ZSWIM5: variants seen among roughly 807,000 people sequenced by gnomAD.
The protein encoded by ZSWIM5 is zinc finger SWIM-type containing 5, also known as zinc finger SWIM domain-containing protein 5.
Under a neutral mutation model 119.6 loss-of-function variants are expected in ZSWIM5, and 55 were observed. The observed-to-expected ratio is 0.46, with a 90% confidence interval of 0.37 to 0.58. The LOEUF is 0.58. Among genes scored for constraint, ZSWIM5 ranks in the 20% least tolerant of loss-of-function variants. ZSWIM5 has a pLI of 0.00. For missense variants in ZSWIM5, 1,193 were observed against 1,512.8 expected (o/e 0.79, Z 3.51); for synonymous variants, 537 against 606.9 (o/e 0.88, Z 1.69).
At chr1:45,175,608 G>A (rs530183523) in intron 1 of ZSWIM5, among the ~76,000 whole-genome samples, 2 of 151,918 alleles carry the variant, frequency 1.3e-5, no homozygotes, top group South Asian at 2.1e-4. Flanking sequence ...GCACCACCAT[G>A]CCCGGCTAAT....
intron 12 of ZSWIM5, 144 bp from the exon 13 acceptor site, chr1:45,020,291 C>A (rs1644880497): frequency 2.8e-6 from 2 of 713,538 alleles, no homozygotes; most frequent in South Asian, 1.8e-5. Flanking sequence ...CAGTTAATTT[C>A]TTTCCCAGCC....
At chr1:45,139,199 G>C (rs1645709423) in intron 1 of ZSWIM5, among the ~76,000 whole-genome samples, 2 of 151,564 alleles carry the variant, frequency 1.3e-5, no homozygotes, top group Admixed American at 6.6e-5. Context: ...CGTTTTTTAA[G>C]AGACAACAGT....
Position 45,035,789 on chromosome 1 carries a change from G to A in ZSWIM5, c.2190C>T (p.His730=), listed in dbSNP as rs772347523. The A allele has an allele frequency of 6.2e-7, 1 of 1,613,782 alleles. No individual in the cohort carries two copies. Among genetic ancestry groups the A allele is most frequent in the East Asian group, 2.2e-5 (1 of 44,876 alleles). The change falls in exon 10 of 14, where the codon CAC becomes CAT. Residue 730 remains histidine, a synonymous_variant. Coordinates refer to ENST00000359600, the MANE Select transcript of ZSWIM5 (RefSeq NM_020883.2). ...GPFSGLGEVI[H]RESVPMHTFA... ...AGGTATGCATGGGAACACTCTCTCG[G>A]TGGATGACTTCTCCCAGACCGCTGA...
chr1:45,111,191 T>C (rs1188787640), intron 1 of ZSWIM5, among the ~76,000 whole-genome samples: 2 of 152,108 alleles, frequency 1.3e-5, no homozygotes, highest in African/African-American at 2.4e-5. Flanking sequence ...AACCTTGAAA[T>C]GTGAGTAGGA....
rs1645144682 is a variant in ZSWIM5 at position 45,060,146 on chromosome 1, C to T, written c.1054G>A (p.Gly352Ser). 2 of 1,614,146 alleles carry T rather than the reference C, an allele frequency of 1.2e-6. No individual in the cohort carries two copies. The highest frequency in any genetic ancestry group is 1.7e-6 in the Non-Finnish European group (2 of 1,180,024). Residue 352 changes from glycine (G) to serine (S), a missense_variant, in exon 3 of 14, where the codon GGC becomes AGC. Gly to Ser is a moderately conservative substitution (Grantham distance 56). Transcript: ENST00000359600. ...KEQVKLFLSQ[G>S]GYCGSGKQLN... is the part of the protein sequence containing the mutation. ...TGCTTTCCAGAGCCACAGTAACCGC[C>T]CTGGGAGAGAAAAAGCTTCACTTGT...
intron 5 of ZSWIM5, among the ~76,000 whole-genome samples, chr1:45,049,686 C>G (rs1306263632): frequency 6.6e-6 from 1 of 152,062 alleles, no homozygotes; most frequent in South Asian, 2.1e-4. Flanking sequence ...TGGTGGCCCA[C>G]GCCTGTAGTC....
In ZSWIM5 at chr1:45,017,159, G is replaced by A. The variant is rs578076512; in HGVS notation, c.*1295C>T. On this transcript the variant is annotated 3_prime_UTR_variant, in exon 14 of 14. Coordinates refer to ENST00000359600, the MANE Select transcript of ZSWIM5 (RefSeq NM_020883.2). ...GATGGGGAACAAACGTTTAGCTGGC[G>A]AGAGAGATTTAAGAGGAATGGGAAA... The A allele has an allele frequency of 6.6e-6, 1 of 152,330 alleles. No homozygotes were observed. Among genetic ancestry groups the A allele is most frequent in the African/African-American group, 2.4e-5 (1 of 41,550 alleles). The allele number at this position is 152,330 out of a possible 1,614,324, so 9.4% of individuals were successfully genotyped here.
intron 1 of ZSWIM5, among the ~76,000 whole-genome samples, chr1:45,090,627 GTAAAATAAAATAAAATAAAAA>G (rs1645359276): frequency 6.6e-6 from 1 of 151,726 alleles, no homozygotes; most frequent in Admixed American, 6.6e-5. Flanking sequence ...GCACAGTAAG[GTAAAATAAAATAAAATAAAAA>G]TAAAATAAAA....
intron 1 of ZSWIM5, among the ~76,000 whole-genome samples, chr1:45,137,057 C>T (rs1161663661): frequency 6.6e-6 from 1 of 152,114 alleles, no homozygotes; most frequent in African/African-American, 2.4e-5. Flanking sequence ...ATTCTCATTG[C>T]CTTGGTACTT....
At chr1:45,048,948 C>A (rs964513131) in intron 5 of ZSWIM5, among the ~76,000 whole-genome samples, 1 of 152,126 alleles carries the variant, frequency 6.6e-6, no homozygotes, top group Admixed American at 6.6e-5. Context: ...TGACGAAACC[C>A]TGTCTCTACA....
chr1:45,024,907 A>T (rs569246781), intron 11 of ZSWIM5, among the ~76,000 whole-genome samples: 15 of 151,808 alleles, frequency 9.9e-5, no homozygotes, highest in Admixed American at 8.5e-4. Flanking sequence ...TGCCCGCCTC[A>T]GCCTCCCAAA....
At chr1:45,079,590 G>C (rs751539998) in intron 2 of ZSWIM5, among the ~76,000 whole-genome samples, 1 of 152,146 alleles carries the variant, frequency 6.6e-6, no homozygotes, top group Non-Finnish European at 1.5e-5. Context: ...AGGACCCCAA[G>C]AGGTCACTTG....
intron 1 of ZSWIM5, among the ~76,000 whole-genome samples, chr1:45,151,351 T>C (rs1645795676): frequency 6.6e-6 from 1 of 152,068 alleles, no homozygotes; most frequent in Non-Finnish European, 1.5e-5. Flanking sequence ...CCTACAATAA[T>C]ACCTGGTTCA....
chr1:45,127,882 G>GA (rs934546244), intron 1 of ZSWIM5, among the ~76,000 whole-genome samples: 8 of 152,004 alleles, frequency 5.3e-5, no homozygotes, highest in Non-Finnish European at 1.2e-4. Flanking sequence ...TAGAGTCACT[G>GA]AAAAAAGAAG....
At position 45,017,884 on chromosome 1, in the gene ZSWIM5, C is replaced by T. The variant is rs1180353919; in HGVS notation, c.*570G>A. 1 of 160,996 alleles carries T rather than the reference C, an allele frequency of 6.2e-6. No homozygotes were observed. The highest frequency in any genetic ancestry group is 2.4e-5 in the African/African-American group (1 of 41,478). The allele number at this position is 160,996 out of a possible 1,614,324, so 10.0% of individuals were successfully genotyped here. On this transcript the variant is annotated 3_prime_UTR_variant, in exon 14 of 14. Transcript: ENST00000359600. ...TAGACTTGGGTTGATCCTAACTGGC[C>T]ATTTTTCTCCTTGGCACCCCCACTC...
At chr1:45,064,814 G>C (rs1214737207) in intron 2 of ZSWIM5, among the ~76,000 whole-genome samples, 1 of 152,156 alleles carries the variant, frequency 6.6e-6, no homozygotes, top group Non-Finnish European at 1.5e-5. Context: ...TAGATGTAAA[G>C]TATATCAGCC....
chr1:45,019,412 T>G lies in ZSWIM5; in HGVS notation c.2696-96A>C, dbSNP rs1569977160. 1 of 1,477,442 alleles carries G rather than the reference T, an allele frequency of 6.8e-7. No individual in the cohort carries two copies. Among genetic ancestry groups the G allele is most frequent in the Non-Finnish European group, 9.0e-7 (1 of 1,109,374 alleles). The allele number at this position is 1,477,442 out of a possible 1,614,324, so 91.5% of individuals were successfully genotyped here. A position where few individuals can be genotyped will look rare whatever the true frequency, so the allele number is the denominator to read the frequency against. On this transcript the variant is annotated intron_variant, in intron 13 of 13. Transcript: ENST00000359600. This position sits in a 1 kb window ranked among gnomAD's most constrained non-coding sequence, Gnocchi z 5.0. ...GGGGTTTGAACTTGGCCTGCAGAGA[T>G]GAATTCTTCCTCCTCAGCAACCTTG...
At position 45,040,429 on chromosome 1, in the gene ZSWIM5, C is replaced by T. The variant is rs375180057; in HGVS notation, c.1719G>A (p.Gln573=). Residue 573 remains glutamine, a synonymous_variant, in exon 7 of 14, where the codon CAG becomes CAA. Transcript: ENST00000359600. ...GCTTGTAGATTTCCAGTTGCCGCTG[C>T]TGCTGCAACCTCAGAGTATTAATAA... ...VAIINTLRLQ[Q]QRQLEIYKHQ... 1.2e-6 allele frequency: 2 copies of T among 1,611,204 alleles called. No individual in the cohort carries two copies. The highest frequency in any genetic ancestry group is 1.7e-6 in the Non-Finnish European group (2 of 1,178,730).
At chr1:45,035,927 T>C in intron 9 of ZSWIM5, 104 bp from the exon 10 acceptor site, 1 of 1,574,850 alleles carries the variant, frequency 6.3e-7, no homozygotes, top group Non-Finnish European at 8.6e-7. Flanking sequence ...ATGGGAACCT[T>C]CATTCACTAC....
Sources: allele counts gnomAD v4.1 joint callset (sites outside exome capture counted in the v4.1 genomes callset), GRCh38; gene constraint gnomAD v4.1.1; non-coding constraint Gnocchi (gnomAD v3.1); transcripts MANE v1.5; gene names NCBI Gene and HGNC (gene_info 2026-07-23, HGNC 2026-07-21).